RIMS2: variants seen among roughly 807,000 people sequenced by gnomAD.
RIMS2 encodes regulating synaptic membrane exocytosis protein 2.
Under a neutral mutation model 174.4 loss-of-function variants are expected in RIMS2, and 59 were observed. That is an observed-to-expected ratio of 0.34 (90% CI 0.27 to 0.42). The LOEUF is 0.42. Ranked by LOEUF, RIMS2 falls within the 10% of genes least tolerant of loss-of-function variation. RIMS2 has a pLI of 1.00. For synonymous variants in RIMS2, 606 were observed against 572.5 expected, an observed-to-expected ratio of 1.06 and a Z score of -0.84; for missense variants, 1,620 against 1,666.3, an observed-to-expected ratio of 0.97 and a Z score of 0.48.
intron 4 of RIMS2, among the ~76,000 whole-genome samples, chr8:103,887,855 A>G (rs117018793): frequency 0.015 from 2,301 of 151,754 alleles, 32 homozygotes; most frequent in Non-Finnish European, 0.025. Context: ...TTACTGAGTA[A>G]CATAAGGAAG....
At chr8:103,865,730 T>C (rs2099081653) in intron 3 of RIMS2, among the ~76,000 whole-genome samples, 1 of 152,186 alleles carries the variant, frequency 6.6e-6, no homozygotes, top group African/African-American at 2.4e-5. Flanking sequence ...AAAAAAACTT[T>C]CCTTAAAAGG....
chr8:103,706,431 C>A (rs1386523489), intron 2 of RIMS2, among the ~76,000 whole-genome samples: 3 of 151,642 alleles, frequency 2.0e-5, no homozygotes, highest in Non-Finnish European at 2.9e-5. Flanking sequence ...ATGATTGTTT[C>A]TTTTTTTTAA....
At chr8:104,182,772 C>CT (rs2098947493) in intron 19 of RIMS2, among the ~76,000 whole-genome samples, 1 of 151,728 alleles carries the variant, frequency 6.6e-6, no homozygotes, top group Admixed American at 6.6e-5. Flanking sequence ...GGTTTAGACT[C>CT]TATCGGTTTT....
intron 19 of RIMS2, among the ~76,000 whole-genome samples, chr8:104,125,002 G>A (rs1406968988): frequency 2.0e-5 from 3 of 152,162 alleles, no homozygotes; most frequent in Non-Finnish European, 4.4e-5. Context: ...GTGGGGAGTA[G>A]CTGCAGCAGG....
chr8:103,712,549 A>G (rs2097319255), intron 2 of RIMS2, among the ~76,000 whole-genome samples: 1 of 152,170 alleles, frequency 6.6e-6, no homozygotes, highest in African/African-American at 2.4e-5. Context: ...CCTTATCAGT[A>G]GATAAGGTGA....
intron 3 of RIMS2, among the ~76,000 whole-genome samples, chr8:103,805,333 A>G (rs552088428): frequency 1.7e-4 from 26 of 152,256 alleles, no homozygotes; most frequent in African/African-American, 4.8e-4. Context: ...TATTAACATT[A>G]ATATGTTGTG....
chr8:103,723,761 G>A (rs1286563050), intron 2 of RIMS2, among the ~76,000 whole-genome samples: 1 of 152,184 alleles, frequency 6.6e-6, no homozygotes, highest in South Asian at 2.1e-4. Context: ...AACATGAAAG[G>A]CTTGAAGTGT....
chr8:103,918,560 C>A, intron 9 of RIMS2, 73 bp downstream of exon 12: 1 of 1,013,914 alleles, frequency 9.9e-7, no homozygotes, highest in Non-Finnish European at 1.6e-6. Flanking sequence ...AAGTATTTAA[C>A]TAGTAATGTG....
intron 19 of RIMS2, among the ~76,000 whole-genome samples, chr8:104,119,905 T>C (rs1025912272): frequency 6.6e-6 from 1 of 152,230 alleles, no homozygotes; most frequent in African/African-American, 2.4e-5. Context: ...AAGATTATTT[T>C]AGAGCTCCAT....
At chr8:103,952,463 C>A (rs2154543578) in intron 14 of RIMS2, among the ~76,000 whole-genome samples, 1 of 152,274 alleles carries the variant, frequency 6.6e-6, no homozygotes, top group African/African-American at 2.4e-5. Flanking sequence ...GACACCCAGG[C>A]AAACAGGGTA....
intron 1 of RIMS2, among the ~76,000 whole-genome samples, chr8:103,623,018 G>A (rs1462355563): frequency 1.3e-5 from 2 of 152,140 alleles, no homozygotes; most frequent in Non-Finnish European, 2.9e-5. Flanking sequence ...AAAGAGTAAA[G>A]AAAGACACTA....
chr8:103,966,953 G>C (rs1176526133), intron 15 of RIMS2, among the ~76,000 whole-genome samples: 2 of 151,876 alleles, frequency 1.3e-5, no homozygotes, highest in African/African-American at 4.8e-5. Flanking sequence ...TGTGGACTCA[G>C]AGCAGCATTG....
Position 104,174,713 on chromosome 8 carries a change from C to T in RIMS2, c.3335-70203C>T, listed in dbSNP as rs139407460. Among the ~76,000 whole-genome samples the T allele has an allele frequency of 5.3e-4, 81 of 152,148 alleles. 3 individuals are homozygous for T. In the East Asian group the frequency reaches 0.011, roughly 21 times the overall value. ...AGAAGCAACAGAAAGAAAGGTGTTG[C>T]GGGGAAGAAGGTAGGAAAAGAAACA... is the stretch of plus-strand genomic sequence containing the variant. On this transcript the variant is annotated intron_variant, in intron 19 of 23. Coordinates refer to ENST00000504942, the Ensembl canonical transcript of RIMS2.
At chr8:104,171,308 A>AT (rs34025946) in intron 19 of RIMS2, among the ~76,000 whole-genome samples, 63,546 of 150,302 alleles carry the variant, frequency 0.42, 13,659 homozygotes, top group East Asian at 0.62. Context: ...ACATAATCCC[A>AT]TTTTTTTTTG....
chr8:104,140,708 C>A (rs1346824463), intron 19 of RIMS2, among the ~76,000 whole-genome samples: 2 of 152,236 alleles, frequency 1.3e-5, no homozygotes, highest in Middle Eastern at 3.4e-3. Context: ...CATTTCAGCC[C>A]CCACTTGCTG....
At chr8:104,021,706 TTTC>T (rs549901652) in intron 19 of RIMS2, among the ~76,000 whole-genome samples, 104 of 152,334 alleles carry the variant, frequency 6.8e-4, no homozygotes, top group African/African-American at 2.4e-3. Flanking sequence ...ACTGTTATGC[TTTC>T]TTCTTATTTC....
intron 14 of RIMS2, among the ~76,000 whole-genome samples, chr8:103,958,246 T>C (rs1225520831): frequency 6.6e-6 from 1 of 152,190 alleles, no homozygotes; most frequent in Non-Finnish European, 1.5e-5. Flanking sequence ...CATCATGTCT[T>C]TAGCAGGAAC....
intron 3 of RIMS2, among the ~76,000 whole-genome samples, chr8:103,842,659 C>T (rs1343026276): frequency 2.0e-5 from 3 of 152,148 alleles, no homozygotes; most frequent in African/African-American, 4.8e-5. Flanking sequence ...ACCATGAACA[C>T]GTAGAATTGC....
chr8:103,771,040 T>C (rs2098247620), intron 3 of RIMS2, among the ~76,000 whole-genome samples: 1 of 152,208 alleles, frequency 6.6e-6, no homozygotes, highest in Non-Finnish European at 1.5e-5. Context: ...TAACATGATG[T>C]AGTAGTTTTG....
Sources: gnomAD v4.1 joint callset for allele counts (sites outside exome capture counted in the v4.1 genomes callset) on GRCh38, gnomAD v4.1.1 for gene constraint, MANE v1.5 for transcripts, NCBI Gene and HGNC (gene_info 2026-07-23, HGNC 2026-07-21) for gene names.